The following RPAP2 variants were observed in gnomAD, a reference collection of about 807,000 sequenced individuals.
RPAP2 encodes the protein RNA polymerase II associated protein 2.
Under a neutral mutation model 73.1 loss-of-function variants are expected in RPAP2, and 52 were observed. The ratio of observed to expected loss-of-function variants is 0.71; its 90% CI spans 0.57 to 0.90. The LOEUF (loss-of-function observed/expected upper bound fraction) is 0.90. Among genes scored for constraint, RPAP2 ranks in the 40% least tolerant of loss-of-function variants. The pLI is 0.00. For synonymous variants in RPAP2, 225 were observed against 242.1 expected, an observed-to-expected ratio of 0.93 and a Z score of 0.65; for missense variants, 598 against 701.8, an observed-to-expected ratio of 0.85 and a Z score of 1.67.
chr1:92,318,155 C>T (rs1434549954), intron 6 of RPAP2, among the ~76,000 whole-genome samples: 1 of 152,214 alleles, frequency 6.6e-6, no homozygotes, highest in Non-Finnish European at 1.5e-5. Context: ...GATTCTTTCT[C>T]CCTTAACCTT....
At chr1:92,365,638 GT>G (rs1654904481) in intron 11 of RPAP2, among the ~76,000 whole-genome samples, 1 of 152,210 alleles carries the variant, frequency 6.6e-6, no homozygotes, top group East Asian at 1.9e-4. Context: ...ATCGTTAATA[GT>G]TTGAAAGGTT....
chr1:92,333,836 T>C (rs993034111), intron 9 of RPAP2, among the ~76,000 whole-genome samples: 1 of 152,226 alleles, frequency 6.6e-6, no homozygotes, highest in African/African-American at 2.4e-5. Context: ...GCAAATAAGA[T>C]GTTATTACAA....
intron 12 of RPAP2, among the ~76,000 whole-genome samples, chr1:92,383,610 G>T (rs1655743365): frequency 6.6e-6 from 1 of 152,198 alleles, no homozygotes; most frequent in African/African-American, 2.4e-5. Flanking sequence ...TTTGTACATT[G>T]ATTTTGTATC....
chr1:92,356,932 G>A (rs1042296613), intron 11 of RPAP2, among the ~76,000 whole-genome samples: 4 of 151,932 alleles, frequency 2.6e-5, no homozygotes, highest in East Asian at 2.0e-4. Flanking sequence ...GCATGATGGC[G>A]GGGACCGCCT....
chr1:92,318,928 G>A (rs1652083648), intron 6 of RPAP2, among the ~76,000 whole-genome samples: 1 of 152,046 alleles, frequency 6.6e-6, no homozygotes, highest in African/African-American at 2.4e-5. Flanking sequence ...AAATGATGAG[G>A]GCAGACTTCT....
At chr1:92,364,271 A>G (rs764815617) in intron 11 of RPAP2, among the ~76,000 whole-genome samples, 2 of 152,170 alleles carry the variant, frequency 1.3e-5, no homozygotes, top group Non-Finnish European at 2.9e-5. Context: ...AGATTGCAAC[A>G]TTTATCTCAG....
At position 92,323,042 on chromosome 1, in the gene RPAP2, CTT is replaced by C. The variant is rs1406216899; in HGVS notation, c.525-401_525-400del. On this transcript the variant is annotated intron_variant, in intron 7 of 12. Coordinates refer to ENST00000610020, the MANE Select transcript of RPAP2 (RefSeq NM_024813.3). ...TTTATATTTTTATATATTTATATAT[CTT>C]TATATTTATATATATACTTTATATA... Among the ~76,000 whole-genome samples the C allele has an allele frequency of 1.1e-4, 15 of 142,520 alleles. 1 individual carries two copies. Among genetic ancestry groups the C allele is most frequent in the Non-Finnish European group, 1.8e-4 (12 of 65,724 alleles). 93.5% of individuals were successfully genotyped at this position (142,520 alleles called of 152,430 possible).
chr1:92,379,897 C>G (rs1290127301), intron 11 of RPAP2, among the ~76,000 whole-genome samples: 2 of 149,824 alleles, frequency 1.3e-5, no homozygotes, highest in Admixed American at 6.7e-5. Flanking sequence ...CCACTGCATT[C>G]CAGCCTGGGT....
chr1:92,371,816 C>A (rs1300780510), intron 11 of RPAP2, among the ~76,000 whole-genome samples: 1 of 142,912 alleles, frequency 7.0e-6, no homozygotes, highest in Admixed American at 7.4e-5. Flanking sequence ...TGCTTGAGGC[C>A]AGGAGATTGA....
rs1656040156 is a variant in RPAP2, at chr1:92,391,515, C to T, written c.*4504C>T. On this transcript the variant is annotated 3_prime_UTR_variant, in exon 13 of 13. Transcript: ENST00000610020. ...AACAAATTCAAAAGCTAGCAGAAGGCAAGAAATAACTAAGATCAGAGCAGA... is the reference window on the plus strand; with the variant it reads ...AACAAATTCAAAAGCTAGCAGAAGGTAAGAAATAACTAAGATCAGAGCAGA... 1 of 152,012 alleles carries T rather than the reference C, an allele frequency of 6.6e-6. No individual in the cohort carries two copies. Among genetic ancestry groups the T allele is most frequent in the African/African-American group, 2.4e-5 (1 of 41,398 alleles). The allele number at this position is 152,012 out of a possible 1,614,324, so 9.4% of individuals were successfully genotyped here. A position where few individuals can be genotyped will look rare whatever the true frequency, so the allele number is the denominator to read the frequency against.
intron 11 of RPAP2, among the ~76,000 whole-genome samples, chr1:92,356,298 G>A (rs1269360204): frequency 6.6e-6 from 1 of 151,560 alleles, no homozygotes; most frequent in Non-Finnish European, 1.5e-5. Context: ...TTTTATTCTG[G>A]GAATAAGTAT....
At chr1:92,310,495 G>A (rs1034314534) in intron 6 of RPAP2, among the ~76,000 whole-genome samples, 1 of 152,028 alleles carries the variant, frequency 6.6e-6, no homozygotes, top group Non-Finnish European at 1.5e-5. Flanking sequence ...TTTAAATGGT[G>A]GCATGTAGTA....
chr1:92,329,920 G>C (rs1404919255), intron 8 of RPAP2, among the ~76,000 whole-genome samples: 1 of 152,128 alleles, frequency 6.6e-6, no homozygotes, highest in Non-Finnish European at 1.5e-5. Flanking sequence ...TTAATTATAG[G>C]ACTGTTTTCC....
chr1:92,328,421 CT>C (rs1652771467), intron 8 of RPAP2, among the ~76,000 whole-genome samples: 1 of 152,194 alleles, frequency 6.6e-6, no homozygotes, highest in Non-Finnish European at 1.5e-5. Context: ...AGTTCTTCTA[CT>C]TGCTCAATTT....
chr1:92,326,973 T>A (rs899251888), intron 8 of RPAP2, among the ~76,000 whole-genome samples: 2 of 152,240 alleles, frequency 1.3e-5, no homozygotes, highest in African/African-American at 4.8e-5. Context: ...GCCAGGAGAC[T>A]TCCTGTTCAT....
chr1:92,324,525 A>T (rs1164753374), intron 8 of RPAP2, 150 bp downstream of exon 8: 26 of 636,496 alleles, frequency 4.1e-5, no homozygotes, highest in Non-Finnish European at 6.1e-5. Flanking sequence ...TTACAGTGCC[A>T]TCTCCACTGT....
chr1:92,300,230 C>T lies in RPAP2; in HGVS notation c.110C>T (p.Ala37Val). 1 of 1,608,576 alleles carries T rather than the reference C, an allele frequency of 6.2e-7. No homozygotes were observed. Among genetic ancestry groups the T allele is most frequent in the Non-Finnish European group, 8.5e-7 (1 of 1,175,428 alleles). The change falls in exon 2 of 13, where the codon GCT (alanine) becomes GTT (valine). Residue 37 changes from alanine (A) to valine (V), a missense_variant. This residue lies in a region of RPAP2 where 77 missense variants were observed against 55.7 expected (regional missense o/e 1.38). Coordinates refer to ENST00000610020, the MANE Select transcript of RPAP2 (RefSeq NM_024813.3). ...ACAAGTACTTTGAAACAAGAAGATGCTTCTAAAAGGTATGACAGCTACATG... is the reference window on the plus strand; with the variant it reads ...ACAAGTACTTTGAAACAAGAAGATGTTTCTAAAAGGTATGACAGCTACATG... ...KQTSTLKQED[A>V]SKRKAELEAA...
Position 92,396,478 on chromosome 1 carries a change from G to T in RPAP2, c.*9467G>T, listed in dbSNP as rs573065379. 6.6e-6 allele frequency: 1 copy of T among 152,058 alleles called. No homozygotes were observed. The highest frequency in any genetic ancestry group is 2.4e-5 in the African/African-American group (1 of 41,394). The allele number at this position is 152,058 out of a possible 1,614,324, so 9.4% of individuals were successfully genotyped here. A position where few individuals can be genotyped will look rare whatever the true frequency, so the allele number is the denominator to read the frequency against. On this transcript the variant is annotated 3_prime_UTR_variant, in exon 13 of 13. Transcript: ENST00000610020. ...AGTCTGATGCAATATCCCACATATG[G>T]TATGTTTCCATTTACAGTCCAGAAA...
In RPAP2 at chr1:92,333,448, A is replaced by T; in HGVS notation, c.1513A>T (p.Ile505Phe). ...SSSQNQIRKR[I>F]VLEKLSKVLP... ...TTCCCAGAACCAGATTAGAAAACGC[A>T]TCGTACTTGAAAAGTTGAGTAAAGT... Residue 505 changes from isoleucine (I) to phenylalanine (F), a missense_variant, in exon 9 of 13, where the codon ATC becomes TTC. Coordinates refer to ENST00000610020, the MANE Select transcript of RPAP2 (RefSeq NM_024813.3). 1 of 1,613,524 alleles carries T rather than the reference A, an allele frequency of 6.2e-7. No individual in the cohort carries two copies. Among genetic ancestry groups the T allele is most frequent in the Non-Finnish European group, 8.5e-7 (1 of 1,179,542 alleles).
Sources: allele counts gnomAD v4.1 joint callset (sites outside exome capture counted in the v4.1 genomes callset), GRCh38; gene constraint gnomAD v4.1.1; regional missense constraint gnomAD v4.1.1; transcripts MANE v1.5; gene names NCBI Gene and HGNC (gene_info 2026-07-23, HGNC 2026-07-21).